PRRC2C: variants seen among roughly 807,000 people sequenced by gnomAD.
PRRC2C encodes the protein protein PRRC2C.
A neutral mutation model predicts 317.2 loss-of-function variants in PRRC2C; 72 were observed. The ratio of observed to expected loss-of-function variants is 0.23; its 90% CI spans 0.19 to 0.28. PRRC2C has a LOEUF of 0.28. Ranked by LOEUF, PRRC2C falls within the 10% of genes least tolerant of loss-of-function variation. PRRC2C has a pLI of 1.00. For synonymous variants in PRRC2C, 1,296 were observed against 1,205.9 expected, an observed-to-expected ratio of 1.07 and a Z score of -1.55; for missense variants, 3,074 against 3,459.7, an observed-to-expected ratio of 0.89 and a Z score of 2.80.
chr1:171,585,595 G>C (rs891360467), intron 30 of PRRC2C, among the ~76,000 whole-genome samples: 21 of 152,198 alleles, frequency 1.4e-4, no homozygotes, highest in African/African-American at 5.1e-4. Flanking sequence ...AGCTCATTTT[G>C]ACCAGCCTTG....
rs766177648 is a variant in PRRC2C, at chr1:171,523,542, A to C, written c.1055+20A>C. 4 of 1,561,662 alleles carry C rather than the reference A, an allele frequency of 2.6e-6. No homozygotes were observed. The Admixed American group carries it at 6.8e-5, about 27-fold the overall frequency. Reference sequence around the variant, plus strand: ...TAACAGGTAAGTTGTGATATCTTTTACTAATAACAGTATGAATTTGTTGAT... The same window carrying C: ...TAACAGGTAAGTTGTGATATCTTTTCCTAATAACAGTATGAATTTGTTGAT... On this transcript the variant is annotated intron_variant, in intron 9 of 34. Coordinates refer to ENST00000647382, the MANE Select transcript of PRRC2C (RefSeq NM_001387844.1).
At chr1:171,507,462 T>C (rs894726399) in intron 1 of PRRC2C, among the ~76,000 whole-genome samples, 4 of 151,992 alleles carry the variant, frequency 2.6e-5, no homozygotes, top group African/African-American at 9.7e-5. Flanking sequence ...AATACAAAAA[T>C]TAGCCGGGCA....
chr1:171,501,299 T>A (rs989175925), intron 1 of PRRC2C, among the ~76,000 whole-genome samples: 9 of 152,234 alleles, frequency 5.9e-5, no homozygotes, highest in Admixed American at 3.9e-4. Context: ...CCCTGTTAAT[T>A]TTTGTATTTT....
At chr1:171,564,003 C>G (rs1478793775) in intron 20 of PRRC2C, among the ~76,000 whole-genome samples, 1 of 152,114 alleles carries the variant, frequency 6.6e-6, no homozygotes, top group African/African-American at 2.4e-5. Context: ...TCATTTTTCT[C>G]TCATACCTTT....
intron 24 of PRRC2C, among the ~76,000 whole-genome samples, chr1:171,572,800 T>C (rs753481707): frequency 1.3e-4 from 20 of 152,248 alleles, no homozygotes; most frequent in Non-Finnish European, 2.6e-4. Flanking sequence ...TTTATTTCTT[T>C]AGAATACCTA....
intron 30 of PRRC2C, among the ~76,000 whole-genome samples, chr1:171,584,763 T>C (rs1162145555): frequency 6.6e-6 from 1 of 152,096 alleles, no homozygotes; most frequent in Non-Finnish European, 1.5e-5. Flanking sequence ...TTTTTATATC[T>C]TCCAGGTTTT....
At chr1:171,556,057 C>T (rs984478183) in intron 18 of PRRC2C, among the ~76,000 whole-genome samples, 3 of 152,214 alleles carry the variant, frequency 2.0e-5, no homozygotes, top group Admixed American at 6.5e-5. Flanking sequence ...AGGCAGGCCT[C>T]ATTGAACTGC....
intron 20 of PRRC2C, among the ~76,000 whole-genome samples, chr1:171,561,652 A>G (rs1682739045): frequency 6.6e-6 from 1 of 152,208 alleles, no homozygotes; most frequent in Admixed American, 6.5e-5. Flanking sequence ...GACATTAAAC[A>G]CTTATTTTCA....
chr1:171,553,713 A>C (rs1465916720), intron 18 of PRRC2C, among the ~76,000 whole-genome samples: 1 of 152,046 alleles, frequency 6.6e-6, no homozygotes, highest in Admixed American at 6.6e-5. Context: ...TTCTACCTTC[A>C]TTCTGTTATT....
chr1:171,492,800 T>C (rs570016661), intron 1 of PRRC2C, among the ~76,000 whole-genome samples: 2 of 151,910 alleles, frequency 1.3e-5, no homozygotes, highest in African/African-American at 4.8e-5. Flanking sequence ...TCGCCCAGGC[T>C]GGAGGCAGTG....
rs60832207 is a variant in PRRC2C, at chr1:171,569,575, A to AAT, written c.6651+1253_6651+1254dup. Among the ~76,000 whole-genome samples, 381 of 60,136 alleles carry AAT rather than the reference A, an allele frequency of 6.3e-3. 51 individuals carry two copies. Among genetic ancestry groups the AAT allele is most frequent in the African/African-American group, 0.015 (268 of 17,832 alleles). The allele number at this position is 60,136 out of a possible 152,430, so 39.5% of individuals were successfully genotyped here. A position where few individuals can be genotyped will look rare whatever the true frequency, so the allele number is the denominator to read the frequency against. ...CCCCCACTTTTATGAAAGTGGTTTA[A>AAT]ATATATATATATATATATGGTTTTT... is the stretch of plus-strand genomic sequence containing the variant. On this transcript the variant is annotated intron_variant, in intron 23 of 34. Transcript: ENST00000647382.
At position 171,540,601 on chromosome 1, in the gene PRRC2C, T is replaced by C. The variant is rs1677782115; in HGVS notation, c.3135T>C (p.Thr1045=). The C allele has an allele frequency of 6.2e-7, 1 of 1,613,824 alleles. No individual in the cohort carries two copies. ...EKEGEKAEKV[T]EKVVVKPEKT... ...AAGGAGAAAAGGCCGAAAAGGTCAC[T>C]GAAAAAGTAGTTGTAAAGCCTGAAA... The change falls in exon 16 of 35, where the codon ACT becomes ACC. Residue 1045 remains threonine (T), a synonymous_variant. Coordinates refer to ENST00000647382, the MANE Select transcript of PRRC2C (RefSeq NM_001387844.1).
In PRRC2C at chr1:171,523,207, C is replaced by A. The variant is rs780089651; in HGVS notation, c.834-14C>A. Reference sequence around the variant, plus strand: ...TAAACTTTTGTATCTTTTCCATGACCTGCCTTTCATTAGAGGCCTTCGAGG... The same window carrying A: ...TAAACTTTTGTATCTTTTCCATGACATGCCTTTCATTAGAGGCCTTCGAGG... On this transcript the variant is annotated splice_polypyrimidine_tract_variant and intron_variant, in intron 7 of 34. Coordinates refer to ENST00000647382, the MANE Select transcript of PRRC2C (RefSeq NM_001387844.1). 6.3e-7 allele frequency: 1 copy of A among 1,590,736 alleles called. No individual in the cohort carries two copies. Among genetic ancestry groups the A allele is most frequent in the Non-Finnish European group, 8.5e-7 (1 of 1,172,160 alleles).
chr1:171,513,044 G>C lies in PRRC2C; in HGVS notation c.162G>C (p.Arg54=). The change falls in exon 3 of 35, where the codon CGG becomes CGC. Residue 54 remains arginine (R), a synonymous_variant. Coordinates refer to ENST00000647382, the MANE Select transcript of PRRC2C (RefSeq NM_001387844.1). ...LQSLGKVGIS[R]RMPPPANLPS... ...GTCTTGGAAAAGTCGGTATTTCACGGCGTATGCCTCCACCTGCTAACCTCC... is the reference window on the plus strand; with the variant it reads ...GTCTTGGAAAAGTCGGTATTTCACGCCGTATGCCTCCACCTGCTAACCTCC... 1 of 1,613,704 alleles carries C rather than the reference G, an allele frequency of 6.2e-7. No homozygotes were observed. The highest frequency in any genetic ancestry group is 8.5e-7 in the Non-Finnish European group (1 of 1,179,748).
chr1:171,486,762 ATTG>A (rs924835744), intron 1 of PRRC2C, among the ~76,000 whole-genome samples: 1 of 152,144 alleles, frequency 6.6e-6, no homozygotes, highest in Non-Finnish European at 1.5e-5. Context: ...GGATTTTTTG[ATTG>A]TTGAGTACTT....
chr1:171,492,484 G>A (rs1167650679), intron 1 of PRRC2C, among the ~76,000 whole-genome samples: 1 of 152,164 alleles, frequency 6.6e-6, no homozygotes, highest in Non-Finnish European at 1.5e-5. Flanking sequence ...TTGAGCCCAG[G>A]AGTTGTGGAG....
At position 171,557,361 on chromosome 1, in the gene PRRC2C, C is replaced by T; in HGVS notation, c.5249C>T (p.Pro1750Leu). 3.9e-6 allele frequency: 6 copies of T among 1,551,840 alleles called. No homozygotes were observed. Among genetic ancestry groups the T allele is most frequent in the Non-Finnish European group, 5.2e-6 (6 of 1,147,024 alleles). ...QQAQSSASVP[P>L]LASAPLPPST... ...GCACAGTCTTCAGCCTCAGTTCCAC[C>T]TCTAGCTTCGGCTCCACTTCCACCT... Residue 1750 changes from proline (P) to leucine (L), a missense_variant, in exon 19 of 35, where the codon CCT becomes CTT. Pro to Leu is a moderately conservative substitution (Grantham distance 98). Coordinates refer to ENST00000647382, the MANE Select transcript of PRRC2C (RefSeq NM_001387844.1).
At chr1:171,575,854 T>C (rs562139702) in intron 25 of PRRC2C, among the ~76,000 whole-genome samples, 33 of 152,368 alleles carry the variant, frequency 2.2e-4, no homozygotes, top group African/African-American at 7.5e-4. Context: ...CTCAGTATTA[T>C]CTGCTTCCAA....
intron 6 of PRRC2C, among the ~76,000 whole-genome samples, chr1:171,519,928 T>A (rs1278874675): frequency 6.6e-6 from 1 of 152,220 alleles, no homozygotes; most frequent in Non-Finnish European, 1.5e-5. Flanking sequence ...ATTACTATTT[T>A]TTAATCATTC....
Sources: allele counts gnomAD v4.1 joint callset (sites outside exome capture counted in the v4.1 genomes callset), GRCh38; gene constraint gnomAD v4.1.1; transcripts MANE v1.5; gene names NCBI Gene and HGNC (gene_info 2026-07-23, HGNC 2026-07-21).